CSGALNACT1: variants seen among roughly 807,000 people sequenced by gnomAD.
CSGALNACT1 encodes the protein beta4GalNAcT-1.
Under a neutral mutation model 51.0 loss-of-function variants are expected in CSGALNACT1, and 52 were observed. That is an observed-to-expected ratio of 1.02 (90% CI 0.82 to 1.29). The LOEUF is 1.29. CSGALNACT1 is among the 50% of genes most tolerant of loss of function. CSGALNACT1 has a pLI of 0.00. For synonymous variants in CSGALNACT1, 341 were observed against 254.4 expected (o/e 1.34, Z -3.24); for missense variants, 935 against 679.2 (o/e 1.38, Z -4.19).
chr8:19,407,956 C>A (rs1311570673), intron 9 of CSGALNACT1, among the ~76,000 whole-genome samples: 1 of 149,436 alleles, frequency 6.7e-6, no homozygotes, highest in East Asian at 2.0e-4. Flanking sequence ...TGTGTATTGG[C>A]AGCAACTGCA....
At chr8:19,479,350 C>A (rs79142891) in intron 4 of CSGALNACT1, among the ~76,000 whole-genome samples, 254 of 152,258 alleles carry the variant, frequency 1.7e-3, no homozygotes, top group African/African-American at 5.6e-3. Flanking sequence ...GGAAAAAGTC[C>A]ATTAAGGACT....
chr8:19,642,679 G>A (rs538097065), intron 1 of CSGALNACT1, among the ~76,000 whole-genome samples: 36 of 152,098 alleles, frequency 2.4e-4, no homozygotes, highest in African/African-American at 7.5e-4. Flanking sequence ...CCAGCTACTC[G>A]GGAGGCTGAG....
At chr8:19,416,424 T>C (rs902676871) in intron 8 of CSGALNACT1, among the ~76,000 whole-genome samples, 2 of 152,086 alleles carry the variant, frequency 1.3e-5, no homozygotes, top group Non-Finnish European at 2.9e-5. Flanking sequence ...AGGAAAACTT[T>C]TAAAAAATAA....
intron 1 of CSGALNACT1, among the ~76,000 whole-genome samples, chr8:19,747,758 C>T (rs2064770275): frequency 1.3e-5 from 2 of 151,908 alleles, no homozygotes; most frequent in South Asian, 4.1e-4. Context: ...GCTCTGTCTC[C>T]ACCAAGCTAG....
At chr8:19,510,534 A>AAC (rs1320866656) in intron 3 of CSGALNACT1, among the ~76,000 whole-genome samples, 2 of 152,196 alleles carry the variant, frequency 1.3e-5, no homozygotes, top group Non-Finnish European at 2.9e-5. Context: ...TGAAAAGGTG[A>AAC]ACCAAGAACA....
At chr8:19,476,142 G>A (rs577696253) in intron 4 of CSGALNACT1, among the ~76,000 whole-genome samples, 3 of 152,264 alleles carry the variant, frequency 2.0e-5, no homozygotes, top group African/African-American at 7.2e-5. Flanking sequence ...AACTGAATAT[G>A]GCCATTTTTC....
chr8:19,698,145 G>A (rs994531729), intron 1 of CSGALNACT1, among the ~76,000 whole-genome samples: 1 of 152,204 alleles, frequency 6.6e-6, no homozygotes, highest in Non-Finnish European at 1.5e-5. Context: ...GCAGTCCCAT[G>A]AGGTCCCCTT....
chr8:19,535,981 C>T (rs953286926), intron 3 of CSGALNACT1, among the ~76,000 whole-genome samples: 5 of 151,784 alleles, frequency 3.3e-5, no homozygotes, highest in African/African-American at 4.8e-5. Flanking sequence ...CTAGCCAATG[C>T]AAGTGAAGAA....
At chr8:19,720,498 T>C (rs1404679973) in intron 1 of CSGALNACT1, among the ~76,000 whole-genome samples, 1 of 152,216 alleles carries the variant, frequency 6.6e-6, no homozygotes, top group South Asian at 2.1e-4. Flanking sequence ...ACATTTATCC[T>C]ACCTGGAGAG....
chr8:19,478,949 C>G (rs1165889377), intron 4 of CSGALNACT1, among the ~76,000 whole-genome samples: 2 of 152,130 alleles, frequency 1.3e-5, no homozygotes, highest in African/African-American at 4.8e-5. Context: ...AAAACACCAT[C>G]CAACATGCAG....
intron 1 of CSGALNACT1, among the ~76,000 whole-genome samples, chr8:19,742,667 T>C (rs188315360): frequency 2.0e-5 from 3 of 152,336 alleles, no homozygotes; most frequent in African/African-American, 7.2e-5. Flanking sequence ...TGAAAAAATA[T>C]CACCCTAGAC....
At chr8:19,545,697 A>G (rs1003310229) in intron 3 of CSGALNACT1, among the ~76,000 whole-genome samples, 13 of 152,034 alleles carry the variant, frequency 8.6e-5, no homozygotes, top group South Asian at 6.2e-4. Context: ...ATGCGAAACT[A>G]TAACTTTTCC....
intron 1 of CSGALNACT1, among the ~76,000 whole-genome samples, chr8:19,692,061 C>CAA (rs1194541986): frequency 7.6e-5 from 7 of 92,426 alleles, no homozygotes; most frequent in African/African-American, 3.5e-4. Context: ...AAAGAGCAAG[C>CAA]AAGAGTAGGG....
rs117971674 is a variant in CSGALNACT1 at position 19,560,428 on chromosome 8, A to G, written c.-297+30732T>C. On this transcript the variant is annotated intron_variant, in intron 3 of 9. Coordinates refer to ENST00000454498, the Ensembl canonical transcript of CSGALNACT1. ...ATTAAAAACTTTCTGTTTATTAAGAACCACCATAAAGAGAGTTAAAAGACA... is the reference window on the plus strand; with the variant it reads ...ATTAAAAACTTTCTGTTTATTAAGAGCCACCATAAAGAGAGTTAAAAGACA... 5.8e-3 allele frequency among the ~76,000 whole-genome samples: 880 copies of G among 152,328 alleles called. 13 individuals are homozygous for G. Among genetic ancestry groups the G allele is most frequent in the Admixed American group, 0.035 (534 of 15,296 alleles).
intron 3 of CSGALNACT1, among the ~76,000 whole-genome samples, chr8:19,564,150 A>C (rs1016373368): frequency 1.3e-5 from 2 of 152,192 alleles, no homozygotes; most frequent in Non-Finnish European, 1.5e-5. Context: ...AACATTTCGC[A>C]AACTTTTAAA....
chr8:19,628,508 AAC>A (rs1338107333), intron 1 of CSGALNACT1, among the ~76,000 whole-genome samples: 2 of 152,240 alleles, frequency 1.3e-5, no homozygotes, highest in African/African-American at 4.8e-5. Flanking sequence ...AAACCGTATC[AAC>A]AGTGTTCACT....
chr8:19,593,294 C>G (rs11779969), intron 2 of CSGALNACT1, among the ~76,000 whole-genome samples: 3 of 152,194 alleles, frequency 2.0e-5, no homozygotes, highest in Non-Finnish European at 4.4e-5. Context: ...TGTGCAGGAA[C>G]AGTGAAAAGA....
chr8:19,556,569 A>G (rs2039483277), intron 3 of CSGALNACT1, among the ~76,000 whole-genome samples: 1 of 152,196 alleles, frequency 6.6e-6, no homozygotes, highest in Admixed American at 6.5e-5. Flanking sequence ...ACTGCTGACC[A>G]ATAGTGTTGT....
Position 19,615,932 on chromosome 8 carries a change from T to A in CSGALNACT1, c.-543-14067A>T, listed in dbSNP as rs368275622. On this transcript the variant is annotated intron_variant, in intron 1 of 9. Transcript: ENST00000332246. ...AAGAAGTCTTAATTTATCAAACAGGTATTTTAATTATAATACTTTTATCAT... is the reference window on the plus strand; with the variant it reads ...AAGAAGTCTTAATTTATCAAACAGGAATTTTAATTATAATACTTTTATCAT... Among the ~76,000 whole-genome samples, 12 of 152,316 alleles carry A rather than the reference T, an allele frequency of 7.9e-5. No individual in the cohort carries two copies. In the South Asian group the frequency reaches 1.9e-3, roughly 24 times the overall value.
Sources: gnomAD v4.1 joint callset for allele counts (sites outside exome capture counted in the v4.1 genomes callset) on GRCh38, gnomAD v4.1.1 for gene constraint, MANE v1.5 for transcripts, NCBI Gene and HGNC (gene_info 2026-07-23, HGNC 2026-07-21) for gene names.